Variants in LOC400499 observed in about 807,000 individuals in gnomAD.
chr16:11,456,114 T>C, the LOC400499 span, among the ~76,000 whole-genome samples: 1 of 151,760 alleles, frequency 6.6e-6, no homozygotes, highest in East Asian at 1.9e-4. Flanking sequence ...GTGTGATCTC[T>C]GCTCACCGAA....
At chr16:11,449,325 C>G in the LOC400499 span, among the ~76,000 whole-genome samples, 2 of 152,178 alleles carry the variant, frequency 1.3e-5, no homozygotes, top group Non-Finnish European at 2.9e-5. Flanking sequence ...TTGCCCCAAC[C>G]CTGAGCAGAA....
At chr16:11,460,899 C>A in the LOC400499 span, 11 of 1,459,844 alleles carry the variant, frequency 7.5e-6, no homozygotes, top group Non-Finnish European at 9.9e-6. Context: ...GGAGCCACAG[C>A]CCTAGGAAAC....
At chr16:11,431,909 A>T in the LOC400499 span, among the ~76,000 whole-genome samples, 1 of 152,188 alleles carries the variant, frequency 6.6e-6, no homozygotes, top group Non-Finnish European at 1.5e-5. Flanking sequence ...GGCAGAAGTG[A>T]CAATGTAGAA....
the LOC400499 span, among the ~76,000 whole-genome samples, chr16:11,406,911 G>T: frequency 6.6e-6 from 1 of 152,158 alleles, no homozygotes; most frequent in East Asian, 1.9e-4. Flanking sequence ...TGTGATTTCG[G>T]GGAGTCAATC....
the LOC400499 span, among the ~76,000 whole-genome samples, chr16:11,453,995 G>A: frequency 1.3e-5 from 2 of 152,102 alleles, no homozygotes; most frequent in African/African-American, 4.8e-5. Flanking sequence ...AACACCCTAT[G>A]CTAAGGACCC....
the LOC400499 span, chr16:11,391,968 T>A: frequency 2.0e-6 from 1 of 496,652 alleles, no homozygotes; most frequent in Non-Finnish European, 3.2e-6. Flanking sequence ...GAGGGGGACC[T>A]CTCCAACCTG....
At chr16:11,488,278 A>G in the LOC400499 span, among the ~76,000 whole-genome samples, 1 of 152,210 alleles carries the variant, frequency 6.6e-6, no homozygotes, top group Non-Finnish European at 1.5e-5. Context: ...CAGCCAATTT[A>G]GAGAAAAGAT....
chr16:11,462,563 C>T, the LOC400499 span: 3 of 355,392 alleles, frequency 8.4e-6, no homozygotes, highest in Non-Finnish European at 1.2e-5. Context: ...CCTGGGATTA[C>T]AGTCACGTGC....
the LOC400499 span, among the ~76,000 whole-genome samples, chr16:11,420,501 G>A: frequency 4.7e-5 from 7 of 149,690 alleles, no homozygotes; most frequent in African/African-American, 1.7e-4. Context: ...GCTAAATGAC[G>A]AGTTAATGGG....
the LOC400499 span, chr16:11,443,296 C>T: frequency 2.8e-6 from 1 of 363,472 alleles, no homozygotes; most frequent in Non-Finnish European, 5.2e-6. Flanking sequence ...TGCACCCTAG[C>T]CTGGGCAACA....
chr16:11,457,348 C>A, the LOC400499 span, among the ~76,000 whole-genome samples: 1 of 152,032 alleles, frequency 6.6e-6, no homozygotes, highest in Non-Finnish European at 1.5e-5. Context: ...AATCCCAGCA[C>A]TTTGGGAGGC....
At chr16:11,435,642 G>C in the LOC400499 span, 37 of 399,400 alleles carry the variant, frequency 9.3e-5, no homozygotes, top group South Asian at 1.5e-3. Flanking sequence ...CCTCCTCGCA[G>C]GCCACCTGGG....
the LOC400499 span, among the ~76,000 whole-genome samples, chr16:11,428,013 A>G: frequency 3.3e-5 from 5 of 152,192 alleles, no homozygotes; most frequent in Admixed American, 3.3e-4. Flanking sequence ...AATTCAGGGA[A>G]AGTCCACGGT....
the LOC400499 span, chr16:11,393,284 G>A: frequency 1.5e-5 from 14 of 927,254 alleles, no homozygotes; most frequent in Admixed American, 4.4e-5. Flanking sequence ...ATGAGCCCCT[G>A]CACCCAGCCC....
the LOC400499 span, chr16:11,523,523 A>C: frequency 2.5e-6 from 1 of 398,348 alleles, no homozygotes. Context: ...AAGAGGCATA[A>C]GATAGCCCCA....
At chr16:11,448,088 A>G in the LOC400499 span, 7 of 1,531,976 alleles carry the variant, frequency 4.6e-6, no homozygotes, top group Non-Finnish European at 6.1e-6. Flanking sequence ...AACAAGATCC[A>G]GGCTGAAGAG....
chr16:11,497,230 C>G, the LOC400499 span, among the ~76,000 whole-genome samples: 1 of 152,044 alleles, frequency 6.6e-6, no homozygotes, highest in Non-Finnish European at 1.5e-5. Context: ...TGTACACGTG[C>G]GCTCAGGATG....
At chr16:11,384,818 GAAGCTTA>G in the LOC400499 span, 1 of 1,216,746 alleles carries the variant, frequency 8.2e-7, no homozygotes, top group East Asian at 3.2e-5. Context: ...TGCCGCCCTG[GAAGCTTA>G]AAGGGGTGCA....
the LOC400499 span, chr16:11,402,124 C>T: frequency 1.4e-4 from 56 of 399,010 alleles, no homozygotes; most frequent in Non-Finnish European, 1.4e-4. Flanking sequence ...TGCAGTGTCG[C>T]GGCAGGGGGA....
Sources: gnomAD v4.1 joint callset for allele counts (sites outside exome capture counted in the v4.1 genomes callset) on GRCh38, gnomAD v4.1.1 for gene constraint, MANE v1.5 for transcripts.